The following MYOM1 variants were observed in gnomAD, a reference collection of about 807,000 sequenced individuals.
The protein encoded by MYOM1 is myomesin 1.
A neutral mutation model predicts 205.3 loss-of-function variants in MYOM1; 164 were observed. The observed-to-expected ratio is 0.80, with a 90% CI of 0.70 to 0.91. MYOM1 has a LOEUF of 0.91. Ranked by LOEUF, MYOM1 falls within the 40% of genes least tolerant of loss-of-function variation. The pLI is 0.00. For missense variants in MYOM1, 2,011 were observed against 2,127.3 expected (o/e 0.95, Z 1.08); for synonymous variants, 772 against 789.4 (o/e 0.98, Z 0.37).
rs530469011 is a variant in MYOM1 at position 3,209,318 on chromosome 18, T to C, written c.290+5616A>G. ...GAATTCAGAACTCAGCCATGACCAG[T>C]AGATCCTCACATCTGGCCACTGCTC... On this transcript the variant is annotated intron_variant, in intron 2 of 37. Transcript: ENST00000356443. The surrounding 1 kb of genome is among the most constrained non-coding windows in gnomAD (Gnocchi z 4.0). 5.3e-5 allele frequency among the ~76,000 whole-genome samples: 8 copies of C among 152,288 alleles called. No homozygotes were observed. The East Asian group carries it at 9.7e-4, about 18-fold the overall frequency.
intron 18 of MYOM1, among the ~76,000 whole-genome samples, chr18:3,128,911 T>G (rs1009806496): frequency 6.6e-6 from 1 of 152,220 alleles, no homozygotes; most frequent in African/African-American, 2.4e-5. Context: ...TACCAAGTCC[T>G]GCTCTCACAT....
chr18:3,143,132 A>T (rs1369602035), intron 13 of MYOM1, among the ~76,000 whole-genome samples: 1 of 152,228 alleles, frequency 6.6e-6, no homozygotes. Flanking sequence ...AGAATATATT[A>T]AAAGCAGATA....
rs201092091 is a variant in MYOM1 at position 3,116,343 on chromosome 18, G to A, written c.3291C>T (p.Asn1097=). The A allele has an allele frequency of 9.8e-4, 1,579 of 1,611,152 alleles. 2 individuals are homozygous for A. The highest frequency in any genetic ancestry group is 1.3e-3 in the Non-Finnish European group (1,497 of 1,179,468). ...AGCAGCCTCTTACCTTCAGGTATAC[G>A]TTTTTAATAGCCGCCTCATTGAGCC... The part of the protein sequence containing the change: ...WRGLNEAAIK[N]VYLKVRGLKE... The change falls in exon 21 of 38, where the codon AAC becomes AAT. Residue 1097 remains asparagine (N), a synonymous_variant. Transcript: ENST00000356443.
chr18:3,243,243 T>G, the MYOM1 span, among the ~76,000 whole-genome samples: 1 of 152,228 alleles, frequency 6.6e-6, no homozygotes, highest in South Asian at 2.1e-4. Context: ...TTTCCTGAAT[T>G]AAAGGATTAA....
In MYOM1 at chr18:3,071,900, AG is replaced by A. The variant is rs748345217; in HGVS notation, c.4709-12del. 29 of 1,601,200 alleles carry A rather than the reference AG, an allele frequency of 1.8e-5. No homozygotes were observed. The highest frequency in any genetic ancestry group is 2.3e-5 in the Non-Finnish European group (27 of 1,173,816). Reference sequence around the variant, plus strand: ...ACACCCGGGCACGATCTGCAAGCATAGGCATTTTGGGTTAATCACTGCAGTG... The same window carrying A: ...ACACCCGGGCACGATCTGCAAGCATAGCATTTTGGGTTAATCACTGCAGTG... On this transcript the variant is annotated splice_polypyrimidine_tract_variant and intron_variant, in intron 36 of 37. Transcript: ENST00000356443.
intron 2 of MYOM1, among the ~76,000 whole-genome samples, chr18:3,198,121 A>T (rs576816230): frequency 6.6e-6 from 1 of 152,322 alleles, no homozygotes; most frequent in African/African-American, 2.4e-5. Context: ...CTGGCCCCTT[A>T]AAGTTATGTT....
chr18:3,206,669 G>A (rs185141602), intron 2 of MYOM1, among the ~76,000 whole-genome samples: 2,565 of 146,350 alleles, frequency 0.018, 67 homozygotes, highest in African/African-American at 0.059. Context: ...AGGCAATCCC[G>A]GTGGCCTAAC....
intron 2 of MYOM1, among the ~76,000 whole-genome samples, chr18:3,214,733 G>C (rs973006085): frequency 6.6e-6 from 1 of 152,194 alleles, no homozygotes; most frequent in Non-Finnish European, 1.5e-5. Flanking sequence ...GGAGGCAGGA[G>C]AATCGATTGA....
At chr18:3,158,336 C>T (rs1194281811) in intron 10 of MYOM1, among the ~76,000 whole-genome samples, 1 of 152,258 alleles carries the variant, frequency 6.6e-6, no homozygotes, top group East Asian at 1.9e-4. Context: ...ATCTATTATA[C>T]TTTACTCTAC....
chr18:3,210,318 G>A (rs1378803117), intron 2 of MYOM1, among the ~76,000 whole-genome samples: 1 of 152,196 alleles, frequency 6.6e-6, no homozygotes, highest in Non-Finnish European at 1.5e-5. Flanking sequence ...TTGAATGTTA[G>A]TGTGGTCTTC....
At chr18:3,077,814 C>T (rs1425916672) in intron 34 of MYOM1, among the ~76,000 whole-genome samples, 2 of 152,182 alleles carry the variant, frequency 1.3e-5, no homozygotes, top group Admixed American at 6.5e-5. Flanking sequence ...TCACTGTGCA[C>T]TTGTGATGCA....
At position 3,179,676 on chromosome 18, in the gene MYOM1, T is replaced by A. The variant is rs1342284456; in HGVS notation, c.930-3542A>T. 6.6e-6 allele frequency among the ~76,000 whole-genome samples: 1 copy of A among 152,198 alleles called. No individual in the cohort carries two copies. Among genetic ancestry groups the A allele is most frequent in the Non-Finnish European group, 1.5e-5 (1 of 68,038 alleles). On this transcript the variant is annotated intron_variant, in intron 5 of 37. Transcript: ENST00000356443. This position sits in a 1 kb window ranked among gnomAD's most constrained non-coding sequence, Gnocchi z 4.4. The stretch of plus-strand genomic sequence containing the variant: ...TCAACATGGCTCGAGCAGACAGGAC[T>A]ATCTGATCAGAGATGGCCTGGAAAA...
the MYOM1 span, chr18:3,246,112 C>G: frequency 6.6e-6 from 1 of 152,446 alleles, no homozygotes; most frequent in Non-Finnish European, 1.5e-5. Context: ...TGCCTTCAAG[C>G]TGAGGGGAAG....
intron 13 of MYOM1, among the ~76,000 whole-genome samples, chr18:3,144,890 C>A (rs2080103245): frequency 6.6e-6 from 1 of 152,206 alleles, no homozygotes; most frequent in African/African-American, 2.4e-5. Context: ...CATCACTACT[C>A]TCTCAATAAT....
chr18:3,172,801 G>A (rs1353946470), intron 8 of MYOM1, among the ~76,000 whole-genome samples: 1 of 152,162 alleles, frequency 6.6e-6, no homozygotes. Context: ...GTGAGCCACC[G>A]TGCCTGGCCC....
At chr18:3,190,620 A>T (rs902317071) in intron 3 of MYOM1, 1 of 152,210 alleles carries the variant, frequency 6.6e-6, no homozygotes, top group Non-Finnish European at 1.5e-5. Flanking sequence ...GGCAGGAAGA[A>T]GATGAAAGAT....
At chr18:3,226,948 G>A in the MYOM1 span, among the ~76,000 whole-genome samples, 1,923 of 152,292 alleles carry the variant, frequency 0.013, 17 homozygotes, top group Non-Finnish European at 0.021. This position sits in a 1 kb window ranked among gnomAD's most constrained non-coding sequence, Gnocchi z 4.6. Flanking sequence ...CTTAACCTGC[G>A]TGTGAGGCTC....
At chr18:3,091,611 T>C (rs1207272817) in intron 26 of MYOM1, among the ~76,000 whole-genome samples, 1 of 152,320 alleles carries the variant, frequency 6.6e-6, no homozygotes, top group East Asian at 1.9e-4. Context: ...TAGACCAGAA[T>C]AGATTACTAA....
At chr18:3,078,067 A>G (rs7351025) in intron 34 of MYOM1, among the ~76,000 whole-genome samples, 59,863 of 150,940 alleles carry the variant, frequency 0.4, 13,988 homozygotes, top group Admixed American at 0.57. Context: ...TTTGAGACAG[A>G]GTCTCGCTCT....
Sources: gnomAD v4.1 joint callset for allele counts (sites outside exome capture counted in the v4.1 genomes callset) on GRCh38, gnomAD v4.1.1 for gene constraint, Gnocchi (gnomAD v3.1) non-coding constraint, MANE v1.5 for transcripts, NCBI Gene and HGNC (gene_info 2026-07-23, HGNC 2026-07-21) for gene names.